Variants in PSTPIP2 observed in about 807,000 individuals in gnomAD.
PSTPIP2 encodes proline-serine-threonine phosphatase-interacting protein 2.
In PSTPIP2, 33 loss-of-function variants were observed where a neutral mutation model predicts 63.3. The observed-to-expected ratio is 0.52, with a 90% CI of 0.40 to 0.70. The LOEUF (loss-of-function observed/expected upper bound fraction) is 0.70. Ranked by LOEUF, PSTPIP2 falls within the 30% of genes least tolerant of loss-of-function variation. PSTPIP2 has a pLI of 0.00. For synonymous variants in PSTPIP2, 125 were observed against 132.7 expected (o/e 0.94, Z 0.40); for missense variants, 312 against 400.7 (o/e 0.78, Z 1.89).
intron 1 of PSTPIP2, among the ~76,000 whole-genome samples, chr18:46,058,659 C>T (rs1053940867): frequency 1.3e-5 from 2 of 152,026 alleles, no homozygotes; most frequent in African/African-American, 4.8e-5. Context: ...GCACCTGGCC[C>T]TACATTCCTA....
At chr18:46,032,107 T>A (rs1236448177) in intron 2 of PSTPIP2, among the ~76,000 whole-genome samples, 1 of 152,166 alleles carries the variant, frequency 6.6e-6, no homozygotes, top group African/African-American at 2.4e-5. Context: ...CCTATCTGAA[T>A]TTTTCTGTCT....
At chr18:45,998,005 T>A (rs2051620810) in intron 8 of PSTPIP2, among the ~76,000 whole-genome samples, 177 bp from the exon 9 acceptor site, 1 of 151,876 alleles carries the variant, frequency 6.6e-6, no homozygotes, top group Admixed American at 6.6e-5. Flanking sequence ...TCATATTTGG[T>A]GAAGTAGGCA....
chr18:46,071,615 T>C (rs966574957), intron 1 of PSTPIP2, among the ~76,000 whole-genome samples: 5 of 152,058 alleles, frequency 3.3e-5, no homozygotes, highest in Non-Finnish European at 5.9e-5. Flanking sequence ...AGGGAAGCCC[T>C]CTATGCTGTA....
chr18:46,017,109 A>AT (rs1487994568), intron 3 of PSTPIP2, among the ~76,000 whole-genome samples: 3 of 152,114 alleles, frequency 2.0e-5, no homozygotes, highest in African/African-American at 7.2e-5. Context: ...GTTAACTCTA[A>AT]TTTTTTGTTG....
chr18:46,034,777 C>T (rs187616372), intron 2 of PSTPIP2, among the ~76,000 whole-genome samples: 36 of 152,174 alleles, frequency 2.4e-4, no homozygotes, highest in Admixed American at 6.5e-4. Flanking sequence ...TCAATTTCTT[C>T]AATTATAACA....
chr18:45,995,299 C>T (rs181861454), intron 9 of PSTPIP2, among the ~76,000 whole-genome samples: 18 of 152,082 alleles, frequency 1.2e-4, no homozygotes, highest in Admixed American at 4.6e-4. Context: ...GACAAAATTT[C>T]GCTGTGTTGC....
intron 1 of PSTPIP2, among the ~76,000 whole-genome samples, chr18:46,064,286 T>C (rs1469637169): frequency 4.4e-5 from 5 of 113,412 alleles, no homozygotes; most frequent in South Asian, 3.2e-4. Flanking sequence ...TTCTTTCTTT[T>C]TTTTTTTTTT....
intron 2 of PSTPIP2, among the ~76,000 whole-genome samples, chr18:46,027,686 T>TATAAA (rs754735734): frequency 1.1e-4 from 16 of 152,164 alleles, no homozygotes; most frequent in African/African-American, 2.4e-4. Context: ...TAAGACCCTG[T>TATAAA]ATAAAATAAA....
At chr18:46,003,455 G>A (rs1444153481) in intron 6 of PSTPIP2, among the ~76,000 whole-genome samples, 1 of 152,118 alleles carries the variant, frequency 6.6e-6, no homozygotes, top group African/African-American at 2.4e-5. Context: ...GGGTCCCCAG[G>A]TTTTTTACGT....
intron 9 of PSTPIP2, among the ~76,000 whole-genome samples, chr18:45,996,529 G>C (rs2051595747): frequency 6.6e-6 from 1 of 152,058 alleles, no homozygotes; most frequent in African/African-American, 2.4e-5. Context: ...ACTTAAGCAA[G>C]CTTCCAAGTT....
At chr18:45,991,211 C>T (rs1182264930) in intron 12 of PSTPIP2, among the ~76,000 whole-genome samples, 1 of 152,204 alleles carries the variant, frequency 6.6e-6, no homozygotes, top group Non-Finnish European at 1.5e-5. Flanking sequence ...CACTCCCCAT[C>T]TTTACTAAAA....
chr18:45,997,420 T>C (rs1850442554), intron 9 of PSTPIP2, among the ~76,000 whole-genome samples: 1 of 152,062 alleles, frequency 6.6e-6, no homozygotes. Flanking sequence ...ACTCCTGACC[T>C]CAGGTGATCC....
At chr18:46,036,265 T>C (rs1187714478) in intron 2 of PSTPIP2, among the ~76,000 whole-genome samples, 1 of 151,770 alleles carries the variant, frequency 6.6e-6, no homozygotes, top group Non-Finnish European at 1.5e-5. Flanking sequence ...CAATTAATTG[T>C]TAACAATTAT....
chr18:46,018,377 A>T (rs771824334), intron 3 of PSTPIP2, among the ~76,000 whole-genome samples: 39 of 152,092 alleles, frequency 2.6e-4, no homozygotes, highest in Non-Finnish European at 2.8e-4. Flanking sequence ...ATCAAGGCTT[A>T]GAGAGGTATC....
intron 1 of PSTPIP2, among the ~76,000 whole-genome samples, chr18:46,059,048 T>C (rs1286555724): frequency 6.7e-6 from 1 of 150,304 alleles, no homozygotes; most frequent in Non-Finnish European, 1.5e-5. Context: ...TTTTCTTTTT[T>C]TTTTGTGAGA....
chr18:46,061,942 A>T (rs1377849401), intron 1 of PSTPIP2, among the ~76,000 whole-genome samples: 1 of 152,206 alleles, frequency 6.6e-6, no homozygotes, highest in Non-Finnish European at 1.5e-5. Flanking sequence ...GTGGCCACTT[A>T]TGAAACTATC....
At chr18:46,016,010 A>C in intron 3 of PSTPIP2, 73 bp from the exon 4 acceptor site, 1 of 1,515,682 alleles carries the variant, frequency 6.6e-7, no homozygotes, top group Non-Finnish European at 9.1e-7. Flanking sequence ...ATGCCTTTGC[A>C]TGCTTCTCTC....
intron 1 of PSTPIP2, among the ~76,000 whole-genome samples, chr18:46,067,679 C>T (rs1259147606): frequency 6.6e-6 from 1 of 152,122 alleles, no homozygotes; most frequent in Admixed American, 6.6e-5. Context: ...GCAGACTGCC[C>T]AGTCAAGTCC....
intron 2 of PSTPIP2, among the ~76,000 whole-genome samples, chr18:46,038,665 G>C (rs570793013): frequency 6.6e-6 from 1 of 152,308 alleles, no homozygotes; most frequent in South Asian, 2.1e-4. Flanking sequence ...GGGTAGAAAA[G>C]AAGGGAACTG....
Sources: gnomAD v4.1 joint callset for allele counts (sites outside exome capture counted in the v4.1 genomes callset) on GRCh38, gnomAD v4.1.1 for gene constraint, MANE v1.5 for transcripts, NCBI Gene and HGNC (gene_info 2026-07-23, HGNC 2026-07-21) for gene names.